FYN: variants seen among roughly 807,000 people sequenced by gnomAD.
FYN encodes FYN proto-oncogene, Src family tyrosine kinase.
A neutral mutation model predicts 70.2 loss-of-function variants in FYN; 10 were observed. That is an observed-to-expected ratio of 0.14 (90% CI 0.09 to 0.24). The LOEUF is 0.24. Among genes scored for constraint, FYN ranks in the 10% least tolerant of loss-of-function variants. The pLI is 1.00. For missense variants in FYN, 319 were observed against 673.1 expected, an observed-to-expected ratio of 0.47 and a Z score of 5.82; for synonymous variants, 236 against 248.6, an observed-to-expected ratio of 0.95 and a Z score of 0.48.
chr6:111,693,494 GGAA>G (rs1799441192), intron 12 of FYN, among the ~76,000 whole-genome samples: 1 of 152,032 alleles, frequency 6.6e-6, no homozygotes, highest in African/African-American at 2.4e-5. Flanking sequence ...TCAGTATCTG[GGAA>G]GAAGGAAAAT....
chr6:111,804,463 C>G (rs542035651), intron 2 of FYN, among the ~76,000 whole-genome samples: 2 of 152,120 alleles, frequency 1.3e-5, no homozygotes, highest in African/African-American at 2.4e-5. Flanking sequence ...GATGCTACAT[C>G]GCAAAACCAA....
intron 3 of FYN, among the ~76,000 whole-genome samples, chr6:111,769,919 A>C (rs1386015945): frequency 1.3e-5 from 2 of 152,336 alleles, no homozygotes; most frequent in African/African-American, 4.8e-5. Context: ...TTATGACCAA[A>C]CCAAGCATCT....
At chr6:111,733,636 G>A (rs1168414874) in intron 3 of FYN, among the ~76,000 whole-genome samples, 1 of 152,206 alleles carries the variant, frequency 6.6e-6, no homozygotes, top group Non-Finnish European at 1.5e-5. Context: ...GAACCAGGTT[G>A]CTGAGTAGCC....
At chr6:111,681,602 T>C (rs975555041) in intron 12 of FYN, among the ~76,000 whole-genome samples, 3 of 152,234 alleles carry the variant, frequency 2.0e-5, no homozygotes, top group Non-Finnish European at 4.4e-5. Flanking sequence ...CCTGCTTAGC[T>C]ACAGCCTCCT....
chr6:111,834,976 G>A (rs1773132153), intron 2 of FYN, among the ~76,000 whole-genome samples: 1 of 152,124 alleles, frequency 6.6e-6, no homozygotes, highest in South Asian at 2.1e-4. Context: ...TAAACTCAGA[G>A]TTTATTTTTC....
At chr6:111,702,850 C>G in intron 8 of FYN, 35 bp downstream of exon 8, 8 of 1,606,594 alleles carry the variant, frequency 5.0e-6, no homozygotes, top group Non-Finnish European at 6.8e-6. Context: ...CCTCCAGCAT[C>G]CAAATGGTTA....
intron 3 of FYN, among the ~76,000 whole-genome samples, chr6:111,777,451 G>A (rs1266779692): frequency 2.0e-5 from 3 of 152,056 alleles, no homozygotes; most frequent in Non-Finnish European, 4.4e-5. Flanking sequence ...GTATTACTGA[G>A]ATTTCGGGCC....
At chr6:111,743,115 C>T (rs549451541) in intron 3 of FYN, among the ~76,000 whole-genome samples, 12 of 152,066 alleles carry the variant, frequency 7.9e-5, no homozygotes, top group South Asian at 4.2e-4. Flanking sequence ...TGCAGGTGCG[C>T]GCCACCATGC....
At chr6:111,777,025 C>T (rs1226512198) in intron 3 of FYN, among the ~76,000 whole-genome samples, 2 of 152,188 alleles carry the variant, frequency 1.3e-5, no homozygotes, top group East Asian at 3.8e-4. Flanking sequence ...GAAAGACTAG[C>T]CCAGACTGAA....
At chr6:111,663,592 A>T (rs1434992882) in intron 13 of FYN, among the ~76,000 whole-genome samples, 1 of 152,226 alleles carries the variant, frequency 6.6e-6, no homozygotes, top group Non-Finnish European at 1.5e-5. Context: ...AGGTAATAAA[A>T]ATTCACATAT....
chr6:111,741,746 TA>T (rs1345132863), intron 3 of FYN, among the ~76,000 whole-genome samples: 1 of 152,222 alleles, frequency 6.6e-6, no homozygotes. Context: ...TTCACTACAC[TA>T]GTGGTTTTCG....
chr6:111,704,468 T>A (rs1799977512), intron 6 of FYN, among the ~76,000 whole-genome samples: 1 of 152,154 alleles, frequency 6.6e-6, no homozygotes, highest in African/African-American at 2.4e-5. Context: ...TCTAAAAGAC[T>A]CTAGTCTGGG....
At chr6:111,794,117 G>A (rs372616465) in intron 2 of FYN, among the ~76,000 whole-genome samples, 9 of 152,168 alleles carry the variant, frequency 5.9e-5, no homozygotes, top group East Asian at 1.9e-4. Context: ...TCCTCCATCC[G>A]CCATGAGGAC....
chr6:111,830,091 G>A (rs1390108070), intron 2 of FYN, among the ~76,000 whole-genome samples: 1 of 152,182 alleles, frequency 6.6e-6, no homozygotes, highest in Non-Finnish European at 1.5e-5. Context: ...CAGATGGTAT[G>A]GAAAAGTTGC....
rs115180061 is a variant in FYN, at chr6:111,673,752, G to A, written c.1405+747C>T. On this transcript the variant is annotated intron_variant, in intron 13 of 13. Transcript: ENST00000354650. ...TTTCAAAAAAGCAGATCGTCCCTGT[G>A]CTATAACCACTAAAGCGTGGAGGTG... Among the ~76,000 whole-genome samples, 1,069 of 150,736 alleles carry A rather than the reference G, an allele frequency of 7.1e-3. 10 individuals are homozygous for A. The highest frequency in any genetic ancestry group is 0.023 in the African/African-American group (930 of 41,114).
chr6:111,790,472 C>A (rs951719702), intron 2 of FYN, among the ~76,000 whole-genome samples: 3 of 152,104 alleles, frequency 2.0e-5, no homozygotes, highest in African/African-American at 7.2e-5. Flanking sequence ...GTCTCCCACC[C>A]CTAACCAGTA....
chr6:111,850,810 T>C (rs749394663), intron 1 of FYN, among the ~76,000 whole-genome samples: 2 of 152,194 alleles, frequency 1.3e-5, no homozygotes, highest in Non-Finnish European at 2.9e-5. Flanking sequence ...GCTCAGGGTC[T>C]CCACAGTCTC....
intron 3 of FYN, among the ~76,000 whole-genome samples, chr6:111,726,291 T>C (rs1247537778): frequency 6.6e-6 from 1 of 152,232 alleles, no homozygotes; most frequent in African/African-American, 2.4e-5. Context: ...AGAAAACTAA[T>C]ACATGTTTTG....
chr6:111,842,449 C>T (rs1038858963), intron 2 of FYN, among the ~76,000 whole-genome samples: 8 of 152,144 alleles, frequency 5.3e-5, no homozygotes, highest in Admixed American at 3.3e-4. Context: ...TTCCCTTCCT[C>T]TTCTTCACTC....
Sources: allele counts gnomAD v4.1 joint callset (sites outside exome capture counted in the v4.1 genomes callset), GRCh38; gene constraint gnomAD v4.1.1; transcripts MANE v1.5; gene names NCBI Gene and HGNC (gene_info 2026-07-23, HGNC 2026-07-21).